KCNIP4: variants seen among roughly 807,000 people sequenced by gnomAD.
KCNIP4 encodes Kv channel-interacting protein 4.
Under a neutral mutation model 34.0 loss-of-function variants are expected in KCNIP4, and 12 were observed. The ratio of observed to expected loss-of-function variants is 0.35; its 90% CI spans 0.23 to 0.57. The LOEUF (loss-of-function observed/expected upper bound fraction) is 0.57. Ranked by LOEUF, KCNIP4 falls within the 20% of genes least tolerant of loss-of-function variation. The pLI, the probability that KCNIP4 is intolerant of heterozygous loss-of-function variation, is 0.83. For missense variants in KCNIP4, 238 were observed against 311.7 expected, an observed-to-expected ratio of 0.76 and a Z score of 1.78; for synonymous variants, 124 against 102.2, an observed-to-expected ratio of 1.21 and a Z score of -1.29.
At chr4:21,900,044 A>C (rs2108966540) in intron 1 of KCNIP4, among the ~76,000 whole-genome samples, 1 of 152,286 alleles carries the variant, frequency 6.6e-6, no homozygotes, top group East Asian at 1.9e-4. Context: ...CCAAAACAGC[A>C]TGGTACTAGC....
chr4:21,139,429 A>G (rs942552903), intron 1 of KCNIP4, among the ~76,000 whole-genome samples: 2 of 152,196 alleles, frequency 1.3e-5, no homozygotes, highest in Admixed American at 6.5e-5. Context: ...CATTAGAGAA[A>G]CTGTGAATTT....
chr4:21,269,883 G>C (rs1762037013), intron 1 of KCNIP4, among the ~76,000 whole-genome samples: 1 of 152,146 alleles, frequency 6.6e-6, no homozygotes. Flanking sequence ...TTACCTGTAT[G>C]ATTTTAAGAA....
chr4:21,790,604 G>GA (rs34307723), intron 1 of KCNIP4, among the ~76,000 whole-genome samples: 12,301 of 150,040 alleles, frequency 0.082, 551 homozygotes, highest in Middle Eastern at 0.14. Context: ...AACACATTAA[G>GA]AAAAAAAAAG....
intron 1 of KCNIP4, among the ~76,000 whole-genome samples, chr4:20,997,417 G>T (rs1737654590): frequency 6.6e-6 from 1 of 152,168 alleles, no homozygotes; most frequent in African/African-American, 2.4e-5. Context: ...AGGACAGGAG[G>T]TATCAAAGGT....
chr4:21,425,088 C>A (rs545839927), intron 1 of KCNIP4, among the ~76,000 whole-genome samples: 6 of 152,034 alleles, frequency 3.9e-5, no homozygotes, highest in African/African-American at 1.4e-4. Flanking sequence ...AATGAGCACT[C>A]GGGAGAGAGG....
intron 8 of KCNIP4, 40 bp downstream of exon 8, chr4:20,731,966 T>G (rs767916581): frequency 2.3e-5 from 37 of 1,610,866 alleles, no homozygotes; most frequent in Non-Finnish European, 3.1e-5. Context: ...TTAGCTGTTA[T>G]GATAGCTGAA....
chr4:20,931,517 T>C (rs1730469833), intron 1 of KCNIP4, among the ~76,000 whole-genome samples: 1 of 152,084 alleles, frequency 6.6e-6, no homozygotes, highest in Admixed American at 6.6e-5. Flanking sequence ...GAACAGTGTA[T>C]TACTGTACTG....
intron 1 of KCNIP4, among the ~76,000 whole-genome samples, chr4:21,906,467 G>A (rs1297298668): frequency 6.6e-6 from 1 of 152,188 alleles, no homozygotes; most frequent in Non-Finnish European, 1.5e-5. Context: ...CTCTGGAAGA[G>A]GCAAGGAAGT....
intron 1 of KCNIP4, among the ~76,000 whole-genome samples, chr4:21,519,530 G>GTATGTGTGTATACACATATGTGTGTGTA (rs1560479910): frequency 2.6e-5 from 1 of 38,340 alleles, no homozygotes; most frequent in African/African-American, 1.2e-4. Context: ...ATGTGTGTAT[G>GTATGTGTGTATACACATATGTGTGTGTA]TGTATGTGTA....
chr4:21,831,563 T>C (rs1317053288), intron 1 of KCNIP4, among the ~76,000 whole-genome samples: 2 of 147,304 alleles, frequency 1.4e-5, no homozygotes, highest in Middle Eastern at 3.4e-3. Context: ...AGAAACAAAT[T>C]CCTAGCAGCA....
At chr4:20,889,835 T>G (rs1560545644) in intron 1 of KCNIP4, among the ~76,000 whole-genome samples, 1 of 150,504 alleles carries the variant, frequency 6.6e-6, no homozygotes, top group Non-Finnish European at 1.5e-5. Flanking sequence ...ACCAAACTGC[T>G]AGTATACTAA....
chr4:21,836,421 C>T lies in KCNIP4; in HGVS notation c.61+112150G>A, dbSNP rs568619206. Among the ~76,000 whole-genome samples, 64 of 152,162 alleles carry T rather than the reference C, an allele frequency of 4.2e-4. 1 individual carries two copies. The South Asian group carries it at 5.6e-3, about 13-fold the overall frequency. ...ATAGCCCGCTGGGAAAACCCAGGTG[C>T]GCAGTGATGCCAAGAGATGTCCTAT... On this transcript the variant is annotated intron_variant, in intron 1 of 8. Transcript: ENST00000382152.
Position 21,378,362 on chromosome 4 carries a change from G to T in KCNIP4, c.62-495653C>A, listed in dbSNP as rs116613866. On this transcript the variant is annotated intron_variant, in intron 1 of 8. Coordinates refer to ENST00000382152, the MANE Select transcript of KCNIP4 (RefSeq NM_025221.6). The stretch of plus-strand genomic sequence containing the variant: ...TAATAAATTCCTTTAATAAAAATGC[G>T]CCAATAGATTCATTTTCTTCTTTTT... 8.7e-3 allele frequency among the ~76,000 whole-genome samples: 1,320 copies of T among 152,034 alleles called. 20 individuals are homozygous for T. The highest frequency in any genetic ancestry group is 0.031 in the African/African-American group (1,266 of 41,452).
chr4:21,795,451 C>G (rs1720560087), intron 1 of KCNIP4, among the ~76,000 whole-genome samples: 2 of 152,096 alleles, frequency 1.3e-5, no homozygotes, highest in South Asian at 4.1e-4. Context: ...GATAAATCAC[C>G]CTGTGCAATG....
chr4:21,287,709 G>A (rs1281370141), intron 1 of KCNIP4, among the ~76,000 whole-genome samples: 1 of 152,070 alleles, frequency 6.6e-6, no homozygotes, highest in Non-Finnish European at 1.5e-5. Context: ...TATTTTGCAA[G>A]GAATTCTGGA....
chr4:21,789,528 T>A (rs896734937), intron 1 of KCNIP4, among the ~76,000 whole-genome samples: 1 of 152,160 alleles, frequency 6.6e-6, no homozygotes, highest in Admixed American at 6.5e-5. Context: ...CTTTTAAAAA[T>A]CTAAATTTCT....
chr4:21,037,143 A>C (rs1357610776), intron 1 of KCNIP4, among the ~76,000 whole-genome samples: 1 of 152,234 alleles, frequency 6.6e-6, no homozygotes, highest in Non-Finnish European at 1.5e-5. Context: ...AAAAGTTTAA[A>C]CAATAATTGT....
intron 1 of KCNIP4, among the ~76,000 whole-genome samples, chr4:21,317,258 C>T (rs563539899): frequency 6.6e-6 from 1 of 152,018 alleles, no homozygotes; most frequent in South Asian, 2.1e-4. Flanking sequence ...TATTTTAAAT[C>T]CTTAATGATT....
intron 1 of KCNIP4, among the ~76,000 whole-genome samples, chr4:21,170,016 T>G (rs939990066): frequency 1.3e-5 from 2 of 152,156 alleles, no homozygotes; most frequent in Non-Finnish European, 2.9e-5. Context: ...TATCAGAGCC[T>G]TAGTAAATAG....
Sources: gnomAD v4.1 joint callset for allele counts (sites outside exome capture counted in the v4.1 genomes callset) on GRCh38, gnomAD v4.1.1 for gene constraint, MANE v1.5 for transcripts, NCBI Gene and HGNC (gene_info 2026-07-23, HGNC 2026-07-21) for gene names.